SAXO1: variants seen among roughly 807,000 people sequenced by gnomAD.
SAXO1 encodes stabilizer of axonemal microtubules 1.
A neutral mutation model predicts 17.5 loss-of-function variants in SAXO1; 21 were observed. The observed-to-expected ratio is 1.20, with a 90% confidence interval of 0.85 to 1.72. The LOEUF (loss-of-function observed/expected upper bound fraction) is 1.72. Among genes scored for constraint, SAXO1 ranks in the 40% most tolerant of loss-of-function variants. The pLI, the probability that SAXO1 is intolerant of heterozygous loss-of-function variation, is 0.00. For synonymous variants in SAXO1, 274 were observed against 216.5 expected (o/e 1.27, Z -2.33); for missense variants, 843 against 596.0 (o/e 1.41, Z -4.32).
In SAXO1 at chr9:18,985,143, ATGGCCGAT is replaced by A. The variant is rs371694122; in HGVS notation, c.39-34214_39-34207del. Among the ~76,000 whole-genome samples, 723 of 152,168 alleles carry A rather than the reference ATGGCCGAT, an allele frequency of 4.8e-3. 3 individuals carry two copies. Among genetic ancestry groups the A allele is most frequent in the African/African-American group, 0.015 (629 of 41,524 alleles). On this transcript the variant is annotated intron_variant, in intron 1 of 3. Coordinates refer to ENST00000380534, the MANE Select transcript of SAXO1 (RefSeq NM_153707.4). ...CAAGGAGAAGGAGAGAGATGCGAGA[ATGGCCGAT>A]TGGTGGAGTAGTCAGAACACACACA... is the stretch of plus-strand genomic sequence containing the variant.
chr9:18,975,614 C>T (rs1833115869), intron 1 of SAXO1, among the ~76,000 whole-genome samples: 1 of 152,156 alleles, frequency 6.6e-6, no homozygotes. Context: ...AAACTCCAGG[C>T]ATAGTGACTA....
chr9:19,021,900 G>C (rs1461538365), intron 1 of SAXO1, among the ~76,000 whole-genome samples: 1 of 144,538 alleles, frequency 6.9e-6, no homozygotes, highest in Non-Finnish European at 1.6e-5. Context: ...GGACCAATCA[G>C]AAGGATGTGG....
intron 1 of SAXO1, among the ~76,000 whole-genome samples, chr9:18,978,899 T>TTAC (rs1833258629): frequency 6.6e-6 from 1 of 152,170 alleles, no homozygotes; most frequent in African/African-American, 2.4e-5. Flanking sequence ...GGACCTGAAG[T>TTAC]TACTCTCTTT....
At chr9:18,993,015 G>A (rs1833869099) in intron 1 of SAXO1, among the ~76,000 whole-genome samples, 1 of 152,072 alleles carries the variant, frequency 6.6e-6, no homozygotes, top group Non-Finnish European at 1.5e-5. Flanking sequence ...GGTCAGGCTG[G>A]TCTTGAACTC....
intron 1 of SAXO1, among the ~76,000 whole-genome samples, chr9:18,960,942 G>T (rs569765913): frequency 8.5e-5 from 13 of 152,278 alleles, no homozygotes; most frequent in Admixed American, 1.3e-4. Flanking sequence ...GGGGCATGCA[G>T]AAATGTTCTG....
At chr9:18,959,113 GGACTCAGTGCTGAAGAAGTGGTTCAACA>G (rs1832377536) in intron 1 of SAXO1, among the ~76,000 whole-genome samples, 3 of 152,176 alleles carry the variant, frequency 2.0e-5, no homozygotes, top group African/African-American at 7.2e-5. Context: ...GTGGGGACAA[GGACTCAGTGCTGAAGAAGTGGTTCAACA>G]GACATTCTGA....
At chr9:19,027,414 G>A (rs1835534048) in intron 1 of SAXO1, 1 of 756,852 alleles carries the variant, frequency 1.3e-6, no homozygotes, top group Non-Finnish European at 2.4e-6. Flanking sequence ...CTGGGGGCTT[G>A]GACAAGCAGA....
chr9:18,927,996 C>T lies in SAXO1; in HGVS notation c.*56G>A. The T allele has an allele frequency of 1.4e-6, 2 of 1,440,020 alleles. No homozygotes were observed. Among genetic ancestry groups the T allele is most frequent in the South Asian group, 1.8e-5 (1 of 56,996 alleles). The allele number at this position is 1,440,020 out of a possible 1,614,324, so 89.2% of individuals were successfully genotyped here. A position where few individuals can be genotyped will look rare whatever the true frequency, so the allele number is the denominator to read the frequency against. ...ATTCTTTTTTGTCCAACAAATAATT[C>T]TCAGTTGTCTGCTTTTAAAAGTACT... On this transcript the variant is annotated 3_prime_UTR_variant, in exon 4 of 4. Transcript: ENST00000380534.
chr9:18,938,435 C>G (rs1831392891), intron 3 of SAXO1, among the ~76,000 whole-genome samples: 1 of 152,010 alleles, frequency 6.6e-6, no homozygotes, highest in Non-Finnish European at 1.5e-5. Flanking sequence ...ACGGCAGGAG[C>G]AGGACAGAGA....
chr9:18,937,675 G>T (rs1444142342), intron 3 of SAXO1, among the ~76,000 whole-genome samples: 1 of 152,086 alleles, frequency 6.6e-6, no homozygotes, highest in Non-Finnish European at 1.5e-5. Flanking sequence ...TGACTGGAGG[G>T]AGCTAGCCAA....
At chr9:18,970,424 A>G (rs774660261) in intron 1 of SAXO1, among the ~76,000 whole-genome samples, 3 of 151,970 alleles carry the variant, frequency 2.0e-5, no homozygotes, top group Admixed American at 6.6e-5. Context: ...ATCACCCTCA[A>G]CTGTTACCTT....
intron 1 of SAXO1, among the ~76,000 whole-genome samples, chr9:18,978,261 C>G (rs535302445): frequency 1.8e-4 from 28 of 152,218 alleles, no homozygotes; most frequent in Non-Finnish European, 3.4e-4. Flanking sequence ...CATTTTGAAG[C>G]CATGCATGTG....
chr9:19,040,968 A>C (rs1359825538), intron 1 of SAXO1, among the ~76,000 whole-genome samples: 1 of 148,604 alleles, frequency 6.7e-6, no homozygotes, highest in Non-Finnish European at 1.5e-5. Context: ...TTTCAGAATA[A>C]AGGGCATCCA....
intron 3 of SAXO1, among the ~76,000 whole-genome samples, chr9:18,938,867 T>TGTGTGTGTGTATGTGTGTGTGTG (rs1831426583): frequency 2.0e-5 from 3 of 151,274 alleles, no homozygotes; most frequent in Admixed American, 6.6e-5. Context: ...TGTGTGTGTG[T>TGTGTGTGTGTATGTGTGTGTGTG]TGAGCGGTAA....
intron 3 of SAXO1, among the ~76,000 whole-genome samples, chr9:18,938,856 G>GTA (rs1395786534): frequency 6.7e-6 from 1 of 148,908 alleles, no homozygotes; most frequent in African/African-American, 2.5e-5. Context: ...GTGTGTGTAT[G>GTA]TGTGTGTGTG....
At chr9:19,022,806 C>T (rs1835303794) in intron 1 of SAXO1, among the ~76,000 whole-genome samples, 1 of 152,050 alleles carries the variant, frequency 6.6e-6, no homozygotes, top group East Asian at 1.9e-4. Flanking sequence ...ATTTTTCTTT[C>T]CTTTTAGAGA....
chr9:19,013,382 G>C (rs1834837108), intron 1 of SAXO1, among the ~76,000 whole-genome samples: 1 of 152,074 alleles, frequency 6.6e-6, no homozygotes, highest in Non-Finnish European at 1.5e-5. Context: ...GTGGGAAATA[G>C]GAGGGGAAAG....
chr9:18,929,189 C>A, intron 3 of SAXO1, 134 bp from the exon 4 acceptor site: 1 of 978,226 alleles, frequency 1.0e-6, no homozygotes, highest in East Asian at 2.6e-5. Flanking sequence ...AGAGCACATC[C>A]CTGCTACCAC....
intron 1 of SAXO1, among the ~76,000 whole-genome samples, chr9:18,999,622 G>A (rs1834165447): frequency 6.7e-6 from 1 of 150,018 alleles, no homozygotes; most frequent in Non-Finnish European, 1.5e-5. Flanking sequence ...CCCACCATCT[G>A]GGAAGTGAAG....
Sources: allele counts gnomAD v4.1 joint callset (sites outside exome capture counted in the v4.1 genomes callset), GRCh38; gene constraint gnomAD v4.1.1; transcripts MANE v1.5; gene names NCBI Gene and HGNC (gene_info 2026-07-23, HGNC 2026-07-21).